The following PDSS2 variants were observed in gnomAD, a reference collection of about 807,000 sequenced individuals.
The protein encoded by PDSS2 is decaprenyl diphosphate synthase subunit 2, also known as all trans-polyprenyl-diphosphate synthase PDSS2.
In PDSS2, 31 loss-of-function variants were observed where a neutral mutation model predicts 44.5. The ratio of observed to expected loss-of-function variants is 0.70; its 90% CI spans 0.52 to 0.94. The LOEUF (loss-of-function observed/expected upper bound fraction) is 0.94. Among genes scored for constraint, PDSS2 ranks in the 40% least tolerant of loss-of-function variants. PDSS2 has a pLI of 0.00. For missense variants in PDSS2, 452 were observed against 482.2 expected (o/e 0.94, Z 0.59); for synonymous variants, 157 against 180.3 (o/e 0.87, Z 1.03).
At chr6:107,398,512 G>A (rs1780014715) in intron 1 of PDSS2, among the ~76,000 whole-genome samples, 1 of 151,978 alleles carries the variant, frequency 6.6e-6, no homozygotes, top group South Asian at 2.1e-4. Flanking sequence ...ATATCCTTGG[G>A]GGTCTTCAAC....
intron 7 of PDSS2, among the ~76,000 whole-genome samples, chr6:107,185,782 C>A (rs1479410869): frequency 6.6e-6 from 1 of 152,304 alleles, no homozygotes; most frequent in South Asian, 2.1e-4. Flanking sequence ...CAATAGGTGG[C>A]ACTCTTCCCT....
chr6:107,417,392 G>T (rs1465855016), intron 1 of PDSS2, among the ~76,000 whole-genome samples: 1 of 152,110 alleles, frequency 6.6e-6, no homozygotes, highest in Non-Finnish European at 1.5e-5. Flanking sequence ...ATGCAATCTG[G>T]CAGTGAATTT....
At chr6:107,364,611 C>T (rs1778904686) in intron 1 of PDSS2, among the ~76,000 whole-genome samples, 1 of 152,214 alleles carries the variant, frequency 6.6e-6, no homozygotes, top group South Asian at 2.1e-4. Flanking sequence ...GTCCCGGTTC[C>T]CGCTGGTGCC....
chr6:107,294,421 A>AT (rs986053698), intron 2 of PDSS2, among the ~76,000 whole-genome samples: 1 of 151,712 alleles, frequency 6.6e-6, no homozygotes, highest in Non-Finnish European at 1.5e-5. Flanking sequence ...ATTAAAAAAA[A>AT]TTTTTTTTAG....
At chr6:107,301,908 T>A (rs1776707283) in intron 2 of PDSS2, among the ~76,000 whole-genome samples, 1 of 108,504 alleles carries the variant, frequency 9.2e-6, no homozygotes, top group Admixed American at 1.4e-4. Flanking sequence ...TGGGTGACAG[T>A]GAGACTCTAT....
chr6:107,359,204 G>A (rs1390311882), intron 1 of PDSS2, among the ~76,000 whole-genome samples: 5 of 151,412 alleles, frequency 3.3e-5, no homozygotes, highest in African/African-American at 1.2e-4. Flanking sequence ...TAGAGACAGG[G>A]CTTCATCATG....
At chr6:107,229,345 C>A (rs1773955082) in intron 4 of PDSS2, among the ~76,000 whole-genome samples, 1 of 152,050 alleles carries the variant, frequency 6.6e-6, no homozygotes, top group Admixed American at 6.6e-5. Flanking sequence ...CACCACCATG[C>A]CCGGCTAATT....
chr6:107,434,631 G>T (rs966613949), intron 1 of PDSS2, among the ~76,000 whole-genome samples: 1 of 152,044 alleles, frequency 6.6e-6, no homozygotes, highest in Non-Finnish European at 1.5e-5. Flanking sequence ...TGGTAGGGAT[G>T]GTTAATGAGT....
At chr6:107,250,890 C>G (rs539930595) in intron 3 of PDSS2, among the ~76,000 whole-genome samples, 2 of 151,904 alleles carry the variant, frequency 1.3e-5, no homozygotes, top group Non-Finnish European at 2.9e-5. Flanking sequence ...GAGTCTCGCT[C>G]TGTTACCCAG....
At chr6:107,155,512 C>A (rs1481003479) in intron 7 of PDSS2, among the ~76,000 whole-genome samples, 2 of 151,790 alleles carry the variant, frequency 1.3e-5, no homozygotes, top group Non-Finnish European at 2.9e-5. Context: ...TTTTTTTTAA[C>A]ACCATATGTT....
At chr6:107,446,143 C>T (rs550200364) in intron 1 of PDSS2, among the ~76,000 whole-genome samples, 8 of 152,080 alleles carry the variant, frequency 5.3e-5, no homozygotes, top group South Asian at 4.2e-4. Flanking sequence ...TGGTGAAACC[C>T]CATCTCTACT....
At position 107,197,270 on chromosome 6, in the gene PDSS2, G is replaced by C. The variant is rs1341237639; in HGVS notation, c.1009-3416C>G. ...GAAGGTGGGGGTGGGGTAAGGGGGG[G>C]GTGCAGTCTTGAGCCCTCAACCTAT... is the stretch of plus-strand genomic sequence containing the variant. On this transcript the variant is annotated intron_variant, in intron 6 of 7. Coordinates refer to ENST00000369037, the MANE Select transcript of PDSS2 (RefSeq NM_020381.4). 2.3e-4 allele frequency among the ~76,000 whole-genome samples: 35 copies of C among 150,606 alleles called. No homozygotes were observed. In the East Asian group the frequency reaches 6.3e-3, roughly 27 times the overall value.
chr6:107,296,658 C>T (rs748429311), intron 2 of PDSS2, among the ~76,000 whole-genome samples: 5 of 152,164 alleles, frequency 3.3e-5, no homozygotes, highest in African/African-American at 9.6e-5. Context: ...ATCCAGGAGG[C>T]GGAGGTTGCA....
chr6:107,310,969 G>T (rs1777026016), intron 2 of PDSS2, among the ~76,000 whole-genome samples: 1 of 150,610 alleles, frequency 6.6e-6, no homozygotes, highest in African/African-American at 2.5e-5. Context: ...CCAGGTTGGA[G>T]TACAGTGTTG....
At chr6:107,419,206 A>G (rs574183810) in intron 1 of PDSS2, among the ~76,000 whole-genome samples, 14 of 152,298 alleles carry the variant, frequency 9.2e-5, no homozygotes, top group Admixed American at 2.6e-4. Context: ...GAGTTTCCCT[A>G]GGCCAAAGCA....
At chr6:107,312,359 T>C (rs1378366200) in intron 2 of PDSS2, among the ~76,000 whole-genome samples, 2 of 152,216 alleles carry the variant, frequency 1.3e-5, no homozygotes, top group East Asian at 1.9e-4. Flanking sequence ...CCAGAACCTA[T>C]TCTTTCCCTC....
chr6:107,264,964 A>C (rs764486813), intron 3 of PDSS2, among the ~76,000 whole-genome samples: 1 of 152,234 alleles, frequency 6.6e-6, no homozygotes, highest in Non-Finnish European at 1.5e-5. Flanking sequence ...GAAGTACTAA[A>C]ATAAAAACTT....
chr6:107,412,125 T>C (rs113827436), intron 1 of PDSS2, among the ~76,000 whole-genome samples: 2,754 of 151,812 alleles, frequency 0.018, 74 homozygotes, highest in East Asian at 0.12. Flanking sequence ...TGACCTCAGG[T>C]GATCCACCTG....
chr6:107,201,309 A>ATAG (rs1772761603), intron 6 of PDSS2, among the ~76,000 whole-genome samples: 1 of 147,882 alleles, frequency 6.8e-6, no homozygotes, highest in African/African-American at 2.5e-5. Flanking sequence ...AATAGACAAG[A>ATAG]TAGTGTGCCT....
Sources: gnomAD v4.1 joint callset for allele counts (sites outside exome capture counted in the v4.1 genomes callset) on GRCh38, gnomAD v4.1.1 for gene constraint, MANE v1.5 for transcripts, NCBI Gene and HGNC (gene_info 2026-07-23, HGNC 2026-07-21) for gene names.